CENPP: variants seen among roughly 807,000 people sequenced by gnomAD.
CENPP encodes the protein centromere protein P.
In CENPP, 24 loss-of-function variants were observed where a neutral mutation model predicts 35.6. That is an observed-to-expected ratio of 0.67 (90% CI 0.49 to 0.95). The LOEUF (loss-of-function observed/expected upper bound fraction) is 0.95. CENPP is among the 40% of genes least tolerant of loss of function. CENPP has a pLI of 0.00. For missense variants in CENPP, 332 were observed against 345.3 expected (o/e 0.96, Z 0.31); for synonymous variants, 120 against 125.5 (o/e 0.96, Z 0.29).
chr9:92,513,048 A>G (rs1847452828), intron 5 of CENPP, among the ~76,000 whole-genome samples: 1 of 152,198 alleles, frequency 6.6e-6, no homozygotes, highest in South Asian at 2.1e-4. Flanking sequence ...CCATCTCTGC[A>G]CAAATGTGTT....
chr9:92,586,996 T>TGGGGGC (rs151128213), intron 5 of CENPP, among the ~76,000 whole-genome samples: 1 of 7,548 alleles, frequency 1.3e-4, no homozygotes, highest in Non-Finnish European at 4.3e-4. Flanking sequence ...TCCCATTTGG[T>TGGGGGC]GGGGGCGGGG....
In CENPP at chr9:92,613,242, C is replaced by T; in HGVS notation, c.*93C>T. On this transcript the variant is annotated 3_prime_UTR_variant, in exon 8 of 8. Coordinates refer to ENST00000375587, the MANE Select transcript of CENPP (RefSeq NM_001012267.3). ...ACATTTGCTATTTTCTGCTTAGAAA[C>T]CACACCCTGAAGACGTGCTGTCTAT... is the stretch of plus-strand genomic sequence containing the variant. 1 of 1,491,670 alleles carries T rather than the reference C, an allele frequency of 6.7e-7. No homozygotes were observed. Among genetic ancestry groups the T allele is most frequent in the Non-Finnish European group, 9.3e-7 (1 of 1,075,574 alleles). 92.4% of individuals were successfully genotyped at this position (1,491,670 alleles called of 1,614,324 possible).
chr9:92,599,394 T>TTTTTG (rs972049644), intron 5 of CENPP, among the ~76,000 whole-genome samples: 1 of 151,806 alleles, frequency 6.6e-6, no homozygotes, highest in African/African-American at 2.4e-5. Flanking sequence ...TGGTCAGTAG[T>TTTTTG]TTTTGTTTTG....
At chr9:92,514,621 C>A (rs1197124235) in intron 5 of CENPP, 1 of 1,551,062 alleles carries the variant, frequency 6.4e-7, no homozygotes. Context: ...CAGAAGTCAA[C>A]ATCTCTTACC....
intron 4 of CENPP, among the ~76,000 whole-genome samples, chr9:92,353,020 A>G (rs929156980): frequency 6.6e-6 from 1 of 152,174 alleles, no homozygotes; most frequent in Non-Finnish European, 1.5e-5. Flanking sequence ...ATTGTGCCTA[A>G]CATACAACTA....
chr9:92,466,756 T>G (rs1052648239), intron 5 of CENPP, among the ~76,000 whole-genome samples: 1 of 152,230 alleles, frequency 6.6e-6, no homozygotes, highest in African/African-American at 2.4e-5. Flanking sequence ...GTTAGAAAAG[T>G]GCAGAGCTAT....
chr9:92,358,120 G>A lies in CENPP; in HGVS notation c.467+12333G>A, dbSNP rs147736486. Reference sequence around the variant, plus strand: ...ATATTCATATCTTTCATCAAATTTGGGATGTTTTAACACTTTATTCTGTCT... The same window carrying A: ...ATATTCATATCTTTCATCAAATTTGAGATGTTTTAACACTTTATTCTGTCT... On this transcript the variant is annotated intron_variant, in intron 4 of 7. Coordinates refer to ENST00000375587, the MANE Select transcript of CENPP (RefSeq NM_001012267.3). Among the ~76,000 whole-genome samples, 368 of 149,980 alleles carry A rather than the reference G, an allele frequency of 2.5e-3. 2 individuals carry two copies. Among genetic ancestry groups the A allele is most frequent in the African/African-American group, 8.6e-3 (352 of 40,922 alleles).
chr9:92,525,472 A>G (rs569983195), intron 5 of CENPP, among the ~76,000 whole-genome samples: 30 of 152,300 alleles, frequency 2.0e-4, no homozygotes, highest in African/African-American at 7.2e-4. Context: ...GGTCCCATAA[A>G]ATTATAATGG....
At position 92,393,701 on chromosome 9, in the gene CENPP, T is replaced by C. The variant is rs567950526; in HGVS notation, c.564+13842T>C. On this transcript the variant is annotated intron_variant, in intron 5 of 7. Coordinates refer to ENST00000375587, the MANE Select transcript of CENPP (RefSeq NM_001012267.3). The stretch of plus-strand genomic sequence containing the variant: ...TTGGATCCTTTAGCACCCCAAGTCA[T>C]TTATTACATTTACTTGTCATACCTC... Among the ~76,000 whole-genome samples the C allele has an allele frequency of 1.4e-4, 21 of 152,346 alleles. 1 individual carries two copies. The South Asian group carries it at 4.3e-3, about 32-fold the overall frequency.
rs149467336 is a variant in CENPP at position 92,526,580 on chromosome 9, T to C, written c.565-84734T>C. On this transcript the variant is annotated intron_variant, in intron 5 of 7. Transcript: ENST00000375587. ...AGTGGAAAAAAAGAAATAATAAAGA[T>C]CAGAATAGAAACCAAAAAAACTATA... Among the ~76,000 whole-genome samples, 286 of 146,882 alleles carry C rather than the reference T, an allele frequency of 1.9e-3. 1 individual carries two copies. The highest frequency in any genetic ancestry group is 6.6e-3 in the African/African-American group (263 of 39,764).
chr9:92,515,804 C>G (rs1847666280), intron 5 of CENPP, among the ~76,000 whole-genome samples: 1 of 152,172 alleles, frequency 6.6e-6, no homozygotes, highest in Non-Finnish European at 1.5e-5. Flanking sequence ...AGACTCTATA[C>G]TTAAATCATC....
At chr9:92,568,526 A>G (rs1850054355) in intron 5 of CENPP, among the ~76,000 whole-genome samples, 1 of 152,204 alleles carries the variant, frequency 6.6e-6, no homozygotes, top group Non-Finnish European at 1.5e-5. Context: ...TGCTATTGAG[A>G]ATAGTGCTGC....
At chr9:92,395,966 T>G (rs953366445) in intron 5 of CENPP, among the ~76,000 whole-genome samples, 3 of 152,206 alleles carry the variant, frequency 2.0e-5, no homozygotes, top group Non-Finnish European at 4.4e-5. Flanking sequence ...ACACTTTGTT[T>G]TCTTCTAGAA....
chr9:92,357,074 A>C (rs117200024), intron 4 of CENPP, among the ~76,000 whole-genome samples: 5,847 of 152,322 alleles, frequency 0.038, 143 homozygotes, highest in Middle Eastern at 0.075. Context: ...CTTTTAGTCT[A>C]ATTTTTAAAA....
intron 5 of CENPP, among the ~76,000 whole-genome samples, chr9:92,603,996 T>C (rs1299749871): frequency 6.6e-6 from 1 of 152,254 alleles, no homozygotes; most frequent in Non-Finnish European, 1.5e-5. Context: ...CACTTGCTGC[T>C]CCCAGTTTTG....
chr9:92,340,518 C>T (rs72750499), intron 3 of CENPP: 3,414 of 152,712 alleles, frequency 0.022, 55 homozygotes, highest in South Asian at 0.064. Context: ...TAAAATGTTG[C>T]GGGAAGTCAG....
intron 5 of CENPP, among the ~76,000 whole-genome samples, chr9:92,426,472 G>C (rs1485201579): frequency 6.6e-6 from 1 of 152,134 alleles, no homozygotes; most frequent in Non-Finnish European, 1.5e-5. Context: ...ACTCAGCAGT[G>C]AAAGTCTCTG....
At chr9:92,405,498 A>G (rs1843281043) in intron 5 of CENPP, among the ~76,000 whole-genome samples, 1 of 152,284 alleles carries the variant, frequency 6.6e-6, no homozygotes, top group East Asian at 1.9e-4. Flanking sequence ...TGAGCACTGA[A>G]GTTTTTATTT....
intron 5 of CENPP, among the ~76,000 whole-genome samples, chr9:92,420,373 G>C (rs915346126): frequency 6.6e-6 from 1 of 151,988 alleles, no homozygotes; most frequent in Non-Finnish European, 1.5e-5. Flanking sequence ...AAACTTTCTG[G>C]CTCCTTCAAT....
Sources: gnomAD v4.1 joint callset for allele counts (sites outside exome capture counted in the v4.1 genomes callset) on GRCh38, gnomAD v4.1.1 for gene constraint, MANE v1.5 for transcripts, NCBI Gene and HGNC (gene_info 2026-07-23, HGNC 2026-07-21) for gene names.